CDK19: variants seen among roughly 807,000 people sequenced by gnomAD.
The protein encoded by CDK19 is cyclin dependent kinase 19, also known as cyclin-dependent kinase 19.
CDK19 carries 20 observed loss-of-function variants against 68.3 expected under a neutral mutation model. The observed-to-expected ratio is 0.29, with a 90% CI of 0.21 to 0.43. CDK19 has a LOEUF of 0.43. Among genes scored for constraint, CDK19 ranks in the 20% least tolerant of loss-of-function variants. The pLI is 1.00. For missense variants in CDK19, 339 were observed against 623.5 expected, an observed-to-expected ratio of 0.54 and a Z score of 4.86; for synonymous variants, 221 against 222.8, an observed-to-expected ratio of 0.99 and a Z score of 0.07.
At chr6:110,767,134 A>G (rs1562271536) in intron 1 of CDK19, among the ~76,000 whole-genome samples, 1 of 150,696 alleles carries the variant, frequency 6.6e-6, no homozygotes, top group Non-Finnish European at 1.5e-5. Context: ...CTCTGCCTCA[A>G]AAATAAATAA....
At position 110,644,154 on chromosome 6, in the gene CDK19, T is replaced by C. The variant is rs185855385; in HGVS notation, c.457-5448A>G. ...TGAAAATACAAAAATTAGCCGGGCA[T>C]GATGGCCCGTGCCTGTAGTCCTAGC... On this transcript the variant is annotated intron_variant, in intron 4 of 12. Coordinates refer to ENST00000368911, the MANE Select transcript of CDK19 (RefSeq NM_015076.5). Among the ~76,000 whole-genome samples the C allele has an allele frequency of 3.0e-3, 452 of 152,048 alleles. 2 individuals carry two copies. The highest frequency in any genetic ancestry group is 0.011 in the African/African-American group (436 of 41,490).
At chr6:110,777,192 T>C (rs1377449591) in intron 1 of CDK19, among the ~76,000 whole-genome samples, 1 of 152,188 alleles carries the variant, frequency 6.6e-6, no homozygotes, top group Non-Finnish European at 1.5e-5. Flanking sequence ...ATTAAAATGA[T>C]GTTGTATAAA....
At chr6:110,714,359 A>G (rs974207078) in intron 2 of CDK19, among the ~76,000 whole-genome samples, 5 of 152,260 alleles carry the variant, frequency 3.3e-5, no homozygotes, top group African/African-American at 7.2e-5. Context: ...ATTGTGAATA[A>G]TGCTGCTATA....
chr6:110,624,574 A>G (rs1778967285), intron 8 of CDK19, among the ~76,000 whole-genome samples: 1 of 152,206 alleles, frequency 6.6e-6, no homozygotes, highest in Admixed American at 6.5e-5. Context: ...ATATACATAT[A>G]TGGTATAAAC....
At chr6:110,793,485 G>A (rs1234088361) in intron 1 of CDK19, among the ~76,000 whole-genome samples, 1 of 152,134 alleles carries the variant, frequency 6.6e-6, no homozygotes, top group Non-Finnish European at 1.5e-5. Flanking sequence ...ATGTGTTTTG[G>A]TTGATTATGA....
chr6:110,635,926 T>G (rs899978430), intron 5 of CDK19, among the ~76,000 whole-genome samples: 1 of 152,210 alleles, frequency 6.6e-6, no homozygotes, highest in Non-Finnish European at 1.5e-5. Context: ...AAAACAATAG[T>G]GGCTACTAAA....
At chr6:110,683,977 G>A (rs1414608769) in intron 2 of CDK19, among the ~76,000 whole-genome samples, 8 of 151,402 alleles carry the variant, frequency 5.3e-5, no homozygotes, top group East Asian at 1.9e-4. Flanking sequence ...CCAAAGTGCC[G>A]AGAATACAGG....
At chr6:110,771,084 AAGCTGTCAGTGG>A (rs1462062148) in intron 1 of CDK19, among the ~76,000 whole-genome samples, 1 of 152,094 alleles carries the variant, frequency 6.6e-6, no homozygotes, top group Non-Finnish European at 1.5e-5. Context: ...TGCATGGTGC[AAGCTGTCAGTGG>A]ATCTACCATT....
Position 110,623,378 on chromosome 6 carries a change from C to T in CDK19, c.861-16G>A. 6.2e-7 allele frequency: 1 copy of T among 1,611,932 alleles called. No individual in the cohort carries two copies. Among genetic ancestry groups the T allele is most frequent in the Non-Finnish European group, 8.5e-7 (1 of 1,178,844 alleles). On this transcript the variant is annotated splice_polypyrimidine_tract_variant and intron_variant, in intron 8 of 12. Transcript: ENST00000368911. ...GTTGGCATACCTGCAAGGACACGCACAGTCACACATCACTGGGAACACTCA... is the reference window on the plus strand; with the variant it reads ...GTTGGCATACCTGCAAGGACACGCATAGTCACACATCACTGGGAACACTCA...
At chr6:110,711,077 A>C (rs998813025) in intron 2 of CDK19, among the ~76,000 whole-genome samples, 1 of 152,192 alleles carries the variant, frequency 6.6e-6, no homozygotes, top group Non-Finnish European at 1.5e-5. Flanking sequence ...TAAATGAGTT[A>C]TTTTATGGAG....
At chr6:110,640,416 T>C (rs1780071271) in intron 4 of CDK19, among the ~76,000 whole-genome samples, 1 of 151,956 alleles carries the variant, frequency 6.6e-6, no homozygotes, top group African/African-American at 2.4e-5. Context: ...CTCTGTCCAA[T>C]GTCTTGTCAG....
chr6:110,730,290 T>G (rs184424153), intron 2 of CDK19, among the ~76,000 whole-genome samples: 11 of 152,304 alleles, frequency 7.2e-5, no homozygotes, highest in Admixed American at 1.3e-4. Context: ...CCAAAGACAA[T>G]GCAAGGAAGC....
At chr6:110,689,448 T>A (rs138926836) in intron 2 of CDK19, among the ~76,000 whole-genome samples, 2 of 152,144 alleles carry the variant, frequency 1.3e-5, no homozygotes, top group Non-Finnish European at 2.9e-5. Flanking sequence ...CTACCACAGG[T>A]GGTGCTCTCT....
At chr6:110,779,945 C>G (rs1207941982) in intron 1 of CDK19, among the ~76,000 whole-genome samples, 1 of 151,896 alleles carries the variant, frequency 6.6e-6, no homozygotes, top group Non-Finnish European at 1.5e-5. Context: ...TTAGGCCAGG[C>G]GCAATGGCTC....
Position 110,768,446 on chromosome 6 carries a change from T to C in CDK19, c.129-22245A>G, listed in dbSNP as rs565402885. On this transcript the variant is annotated intron_variant, in intron 1 of 12. Transcript: ENST00000368911. ...AGAAAAACCTGCATACAAATGTTTA[T>C]AGCAGCTTTACTCATAATTGCCAAA... Among the ~76,000 whole-genome samples, 74 of 152,350 alleles carry C rather than the reference T, an allele frequency of 4.9e-4. 1 individual carries two copies. In the Middle Eastern group the frequency reaches 0.017, roughly 35 times the overall value.
In CDK19 at chr6:110,815,405, ATTTCC is replaced by A; in HGVS notation, c.-274_-270del. On this transcript the variant is annotated 5_prime_UTR_variant, in exon 1 of 13. It adds an upstream start codon to the 5' untranslated region. Transcript: ENST00000368911. ...ACCCCCAGTCCCGCCTCCCTCCTTC[ATTTCC>A]TTGTTTTGGAACCTGGTGGGCCGCG... 1 of 298,210 alleles carries A rather than the reference ATTTCC, an allele frequency of 3.4e-6. No homozygotes were observed. The highest frequency in any genetic ancestry group is 6.1e-6 in the Non-Finnish European group (1 of 163,384). The allele number at this position is 298,210 out of a possible 1,614,324, so 18.5% of individuals were successfully genotyped here.
chr6:110,675,627 C>CAAAAAA (rs57966061), intron 2 of CDK19, among the ~76,000 whole-genome samples: 14 of 56,502 alleles, frequency 2.5e-4, no homozygotes, highest in Non-Finnish European at 3.1e-4. Context: ...GACTCCATCT[C>CAAAAAA]AAAAAAAAAA....
chr6:110,680,330 A>G (rs571734426), intron 2 of CDK19, among the ~76,000 whole-genome samples: 51 of 152,356 alleles, frequency 3.3e-4, no homozygotes, highest in African/African-American at 1.1e-3. Flanking sequence ...TGTGAGCACA[A>G]TAAGTGCTAC....
chr6:110,654,643 A>T (rs981919858), intron 4 of CDK19, among the ~76,000 whole-genome samples: 1 of 152,240 alleles, frequency 6.6e-6, no homozygotes, highest in Non-Finnish European at 1.5e-5. Flanking sequence ...GCAAGTTCCC[A>T]ATTTGAAAAG....
Sources: gnomAD v4.1 joint callset for allele counts (sites outside exome capture counted in the v4.1 genomes callset) on GRCh38, gnomAD v4.1.1 for gene constraint, MANE v1.5 for transcripts, NCBI Gene and HGNC (gene_info 2026-07-23, HGNC 2026-07-21) for gene names.